BPIFC: variants seen among roughly 807,000 people sequenced by gnomAD.
The protein encoded by BPIFC is BPI fold containing family C.
Under a neutral mutation model 57.6 loss-of-function variants are expected in BPIFC, and 60 were observed. The ratio of observed to expected loss-of-function variants is 1.04; its 90% CI spans 0.85 to 1.29. The LOEUF is 1.29. Ranked by LOEUF, BPIFC falls within the 50% of genes most tolerant of loss-of-function variation. BPIFC has a pLI of 0.00. For synonymous variants in BPIFC, 243 were observed against 224.5 expected (o/e 1.08, Z -0.74); for missense variants, 581 against 600.5 (o/e 0.97, Z 0.34).
intron 4 of BPIFC, among the ~76,000 whole-genome samples, chr22:32,448,448 C>T (rs1484544637): frequency 6.6e-6 from 1 of 152,148 alleles, no homozygotes; most frequent in Non-Finnish European, 1.5e-5. Flanking sequence ...TAGTGTCCCT[C>T]CCCACCTGTC....
Position 32,454,975 on chromosome 22 carries a change from C to T in BPIFC, c.125-1472G>A, listed in dbSNP as rs118181500. On this transcript the variant is annotated intron_variant, in intron 3 of 16. Transcript: ENST00000300399. Reference sequence around the variant, plus strand: ...TGCTATGGCCAGACAGCATTCTAAGCGCTTTACGTATGTTAATTCATTTAT... The same window carrying T: ...TGCTATGGCCAGACAGCATTCTAAGTGCTTTACGTATGTTAATTCATTTAT... 8.2e-3 allele frequency among the ~76,000 whole-genome samples: 1,242 copies of T among 151,626 alleles called. 16 individuals are homozygous for T. The highest frequency in any genetic ancestry group is 0.015 in the Non-Finnish European group (990 of 67,946).
chr22:32,433,621 G>A, intron 11 of BPIFC, 98 bp downstream of exon 11: 1 of 1,032,286 alleles, frequency 9.7e-7, no homozygotes, highest in Admixed American at 1.9e-5. Flanking sequence ...TAGACAGAGG[G>A]ACTTATCCAA....
intron 4 of BPIFC, among the ~76,000 whole-genome samples, chr22:32,452,712 T>C (rs2145961372): frequency 6.6e-6 from 1 of 152,144 alleles, no homozygotes; most frequent in Admixed American, 6.5e-5. Flanking sequence ...AGGGGAATGA[T>C]CACCCCAAAG....
chr22:32,435,500 C>T (rs965309791), intron 10 of BPIFC, among the ~76,000 whole-genome samples: 3 of 152,170 alleles, frequency 2.0e-5, no homozygotes, highest in Non-Finnish European at 4.4e-5. Context: ...CAGAACACTT[C>T]TGGTCCCAAG....
chr22:32,429,275 C>T (rs533600768), intron 13 of BPIFC, among the ~76,000 whole-genome samples: 55 of 151,704 alleles, frequency 3.6e-4, no homozygotes, highest in East Asian at 1.2e-3. Context: ...GGCGCCATCT[C>T]GGCTCACTGC....
At chr22:32,442,316 A>T (rs772488673) in intron 8 of BPIFC, among the ~76,000 whole-genome samples, 10 of 152,186 alleles carry the variant, frequency 6.6e-5, no homozygotes, top group Non-Finnish European at 1.0e-4. Context: ...CAGGGCAGCC[A>T]CTGCAGGCTG....
chr22:32,417,547 A>G (rs1412374816), intron 14 of BPIFC, among the ~76,000 whole-genome samples: 1 of 152,218 alleles, frequency 6.6e-6, no homozygotes, highest in Non-Finnish European at 1.5e-5. Context: ...CTAGAAAGCA[A>G]TAACTAGGAT....
intron 4 of BPIFC, among the ~76,000 whole-genome samples, chr22:32,452,295 G>C (rs1355339560): frequency 6.6e-6 from 1 of 152,100 alleles, no homozygotes; most frequent in Non-Finnish European, 1.5e-5. Flanking sequence ...CAGAGCATTA[G>C]CCAGAAACTT....
At chr22:32,449,837 C>G (rs1186713749) in intron 4 of BPIFC, among the ~76,000 whole-genome samples, 1 of 151,902 alleles carries the variant, frequency 6.6e-6, no homozygotes, top group African/African-American at 2.4e-5. Flanking sequence ...CGGGTTCACG[C>G]CATTCTCTTG....
At chr22:32,430,205 G>C (rs1934200753) in intron 13 of BPIFC, among the ~76,000 whole-genome samples, 2 of 152,182 alleles carry the variant, frequency 1.3e-5, no homozygotes, top group Admixed American at 6.5e-5. Context: ...CAGATGGTCA[G>C]AGTCTGAAGG....
At chr22:32,450,314 C>T (rs1054252253) in intron 4 of BPIFC, among the ~76,000 whole-genome samples, 1 of 152,142 alleles carries the variant, frequency 6.6e-6, no homozygotes, top group Non-Finnish European at 1.5e-5. Flanking sequence ...GAGCAACAGG[C>T]TATGTCATAT....
At chr22:32,431,545 G>A (rs1459350684) in intron 12 of BPIFC, 131 bp from the exon 13 acceptor site, 1 of 632,802 alleles carries the variant, frequency 1.6e-6, no homozygotes, top group Admixed American at 2.9e-5. Context: ...AAGTCTAAAA[G>A]ACATTGGAAA....
At chr22:32,452,551 A>G (rs1568958760) in intron 4 of BPIFC, among the ~76,000 whole-genome samples, 1 of 151,678 alleles carries the variant, frequency 6.6e-6, no homozygotes, top group African/African-American at 2.4e-5. Context: ...AGGCAGGAGA[A>G]TGGCATGAAC....
Position 32,414,542 on chromosome 22 carries a change from C to T in BPIFC, c.1402-117G>A, listed in dbSNP as rs1601436858. The T allele has an allele frequency of 2.3e-6, 3 of 1,282,040 alleles. No homozygotes were observed. In the East Asian group the frequency reaches 8.2e-5, roughly 35 times the overall value. The allele number at this position is 1,282,040 out of a possible 1,614,324, so 79.4% of individuals were successfully genotyped here. A position where few individuals can be genotyped will look rare whatever the true frequency, so the allele number is the denominator to read the frequency against. ...TTATTTTAATTTTGAGATGGAGTCT[C>T]AAAGGCTGTCGCCCAGGCTGGAGTG... On this transcript the variant is annotated intron_variant, in intron 16 of 16. Transcript: ENST00000300399.
At chr22:32,424,744 T>TTCTTCC (rs1569448233) in intron 13 of BPIFC, among the ~76,000 whole-genome samples, 2 of 76,956 alleles carry the variant, frequency 2.6e-5, no homozygotes, top group Non-Finnish European at 2.7e-5. Flanking sequence ...CTTCTTCCTC[T>TTCTTCC]TCTTCTTCCT....
chr22:32,435,437 A>T (rs562807045), intron 10 of BPIFC, among the ~76,000 whole-genome samples: 1 of 151,912 alleles, frequency 6.6e-6, no homozygotes, highest in Non-Finnish European at 1.5e-5. Flanking sequence ...GGGCTGCTCA[A>T]CCGGTAAGTA....
intron 4 of BPIFC, among the ~76,000 whole-genome samples, chr22:32,450,360 C>T (rs1227525797): frequency 6.6e-6 from 1 of 152,016 alleles, no homozygotes; most frequent in Non-Finnish European, 1.5e-5. Flanking sequence ...CATCTAGGTT[C>T]GTGTAAATAC....
At chr22:32,433,559 C>T (rs535468590) in intron 11 of BPIFC, among the ~76,000 whole-genome samples, 160 bp downstream of exon 11, 1 of 152,254 alleles carries the variant, frequency 6.6e-6, no homozygotes, top group South Asian at 2.1e-4. Context: ...TTAAACTGTA[C>T]TGTTCAGTAA....
chr22:32,426,106 T>C (rs762816864), intron 13 of BPIFC, among the ~76,000 whole-genome samples: 7 of 152,202 alleles, frequency 4.6e-5, no homozygotes, highest in Non-Finnish European at 8.8e-5. Flanking sequence ...TTGCTGTCTA[T>C]GCAGCCAGCC....
Sources: gnomAD v4.1 joint callset for allele counts (sites outside exome capture counted in the v4.1 genomes callset) on GRCh38, gnomAD v4.1.1 for gene constraint, MANE v1.5 for transcripts, NCBI Gene and HGNC (gene_info 2026-07-23, HGNC 2026-07-21) for gene names.